The following ZNF148 variants were observed in gnomAD, a reference collection of about 807,000 sequenced individuals.
The protein encoded by ZNF148 is Beta-Enolase Repressor Factor-1.
In ZNF148, 7 loss-of-function variants were observed where a neutral mutation model predicts 67.7. The observed-to-expected ratio is 0.10, with a 90% CI of 0.06 to 0.19. The LOEUF is 0.19. ZNF148 is among the 10% of genes least tolerant of loss of function. The pLI is 1.00. For missense variants in ZNF148, 583 were observed against 947.1 expected (o/e 0.62, Z 5.05); for synonymous variants, 333 against 330.7 (o/e 1.01, Z -0.08).
At chr3:125,364,511 T>A (rs565716242) in intron 1 of ZNF148, among the ~76,000 whole-genome samples, 1 of 152,208 alleles carries the variant, frequency 6.6e-6, no homozygotes, top group East Asian at 1.9e-4. Context: ...GAAAAAAGAA[T>A]AAACAGCCAA....
chr3:125,269,448 CAA>C (rs34424875), intron 7 of ZNF148, among the ~76,000 whole-genome samples: 5 of 136,892 alleles, frequency 3.7e-5, no homozygotes, highest in Non-Finnish European at 3.2e-5. Context: ...ATTAAAATGT[CAA>C]AAAAAAAAAA....
chr3:125,313,966 T>A (rs2107675761), intron 3 of ZNF148, among the ~76,000 whole-genome samples: 1 of 152,198 alleles, frequency 6.6e-6, no homozygotes, highest in African/African-American at 2.4e-5. Context: ...TATTCTTTAA[T>A]ATATTAATAA....
At chr3:125,372,257 C>A (rs539780829) in intron 1 of ZNF148, among the ~76,000 whole-genome samples, 1 of 152,264 alleles carries the variant, frequency 6.6e-6, no homozygotes, top group African/African-American at 2.4e-5. Context: ...GTCTAATTGT[C>A]AATGTTCTTT....
chr3:125,244,140 A>G (rs1357431453), intron 7 of ZNF148, among the ~76,000 whole-genome samples: 1 of 152,130 alleles, frequency 6.6e-6, no homozygotes, highest in African/African-American at 2.4e-5. Flanking sequence ...CCCCTACCCA[A>G]GGGCCCTAAA....
intron 2 of ZNF148, among the ~76,000 whole-genome samples, chr3:125,326,659 C>A (rs1941030387): frequency 6.9e-6 from 1 of 145,714 alleles, no homozygotes; most frequent in African/African-American, 2.6e-5. Context: ...TGAAATGACA[C>A]TATATATATG....
At chr3:125,234,047 A>G (rs1052961283) in intron 8 of ZNF148, 108 bp from the exon 9 acceptor site, 32 of 1,385,760 alleles carry the variant, frequency 2.3e-5, no homozygotes, top group Non-Finnish European at 3.0e-5. Flanking sequence ...GCAATAACAT[A>G]CATAATTCCA....
chr3:125,356,684 T>C (rs1320997913), intron 1 of ZNF148, among the ~76,000 whole-genome samples: 2 of 152,198 alleles, frequency 1.3e-5, no homozygotes. Context: ...ATCACAATTA[T>C]TATATAAAAC....
rs554238745 is a variant in ZNF148 at position 125,267,076 on chromosome 3, A to G, written c.667+10650T>C. Among the ~76,000 whole-genome samples, 48 of 100,602 alleles carry G rather than the reference A, an allele frequency of 4.8e-4. No homozygotes were observed. The South Asian group carries it at 0.013, about 27-fold the overall frequency. 66.0% of individuals were successfully genotyped at this position (100,602 alleles called of 152,430 possible). ...ATAAAAAACACACCAACCAGGAAAG[A>G]AAAAAAAAAAAAAAGCCCTGGACCA... is the stretch of plus-strand genomic sequence containing the variant. On this transcript the variant is annotated intron_variant, in intron 7 of 8. Transcript: ENST00000360647.
intron 1 of ZNF148, among the ~76,000 whole-genome samples, chr3:125,334,965 G>A (rs2107719783): frequency 6.6e-6 from 1 of 152,260 alleles, no homozygotes; most frequent in South Asian, 2.1e-4. Context: ...TTCCTTGAGA[G>A]ATCCTCGTAA....
intron 1 of ZNF148, among the ~76,000 whole-genome samples, chr3:125,351,133 A>C (rs571532566): frequency 6.6e-6 from 1 of 152,216 alleles, no homozygotes; most frequent in South Asian, 2.1e-4. Flanking sequence ...CTTGAAGCCA[A>C]GAGGTCGAGA....
intron 3 of ZNF148, among the ~76,000 whole-genome samples, chr3:125,319,183 G>A (rs955588693): frequency 6.6e-5 from 10 of 152,172 alleles, no homozygotes; most frequent in African/African-American, 2.4e-4. Context: ...AGAAATAGCT[G>A]ACTCTTCTTG....
intron 3 of ZNF148, among the ~76,000 whole-genome samples, chr3:125,323,036 T>C (rs1940853869): frequency 1.3e-5 from 2 of 152,192 alleles, no homozygotes; most frequent in South Asian, 4.1e-4. Context: ...CTATACCCTG[T>C]TGAGAAAAAG....
intron 7 of ZNF148, among the ~76,000 whole-genome samples, chr3:125,250,637 T>A (rs1936799352): frequency 6.6e-6 from 1 of 152,234 alleles, no homozygotes; most frequent in Non-Finnish European, 1.5e-5. Context: ...TTGTTACTAG[T>A]GTCTGGTCTT....
chr3:125,293,240 G>A (rs1939111960), intron 4 of ZNF148, among the ~76,000 whole-genome samples: 1 of 152,070 alleles, frequency 6.6e-6, no homozygotes, highest in Non-Finnish European at 1.5e-5. Context: ...TGCTAATCTA[G>A]ATACATCTTA....
At chr3:125,343,845 G>A (rs745379743) in intron 1 of ZNF148, among the ~76,000 whole-genome samples, 24 of 152,052 alleles carry the variant, frequency 1.6e-4, no homozygotes, top group Non-Finnish European at 3.4e-4. Flanking sequence ...CTTCATTCTT[G>A]AAGTTAGAGA....
At chr3:125,332,017 T>C (rs1941310809) in intron 1 of ZNF148, among the ~76,000 whole-genome samples, 1 of 152,206 alleles carries the variant, frequency 6.6e-6, no homozygotes, top group South Asian at 2.1e-4. Context: ...AATACAAGTT[T>C]AGGGATCCAT....
chr3:125,345,293 T>C (rs1050323500), intron 1 of ZNF148, among the ~76,000 whole-genome samples: 1 of 152,058 alleles, frequency 6.6e-6, no homozygotes, highest in East Asian at 1.9e-4. Flanking sequence ...AAAAAGTCCA[T>C]GGATGAAAAC....
chr3:125,247,788 T>G (rs1936665331), intron 7 of ZNF148, among the ~76,000 whole-genome samples: 1 of 152,172 alleles, frequency 6.6e-6, no homozygotes, highest in Non-Finnish European at 1.5e-5. Context: ...AACTTCCACT[T>G]TATGAGGGAG....
At chr3:125,294,626 G>A (rs1160882250) in intron 4 of ZNF148, among the ~76,000 whole-genome samples, 1 of 152,108 alleles carries the variant, frequency 6.6e-6, no homozygotes, top group Non-Finnish European at 1.5e-5. Flanking sequence ...TCACTACCAT[G>A]CACTGTCCTA....
Sources: allele counts gnomAD v4.1 joint callset (sites outside exome capture counted in the v4.1 genomes callset), GRCh38; gene constraint gnomAD v4.1.1; transcripts MANE v1.5; gene names NCBI Gene and HGNC (gene_info 2026-07-23, HGNC 2026-07-21).